BACH2: variants seen among roughly 807,000 people sequenced by gnomAD.
The protein encoded by BACH2 is transcription regulator protein BACH2.
BACH2 carries 5 observed loss-of-function variants against 61.8 expected under a neutral mutation model. The observed-to-expected ratio is 0.08, with a 90% confidence interval of 0.04 to 0.17. The LOEUF is 0.17. Among genes scored for constraint, BACH2 ranks in the 10% least tolerant of loss-of-function variants. The pLI is 1.00. For synonymous variants in BACH2, 446 were observed against 440.1 expected, an observed-to-expected ratio of 1.01 and a Z score of -0.17; for missense variants, 824 against 1,091.1, an observed-to-expected ratio of 0.76 and a Z score of 3.45.
chr6:90,255,823 G>A (rs1265692427), intron 2 of BACH2, among the ~76,000 whole-genome samples: 3 of 152,102 alleles, frequency 2.0e-5, no homozygotes, highest in Admixed American at 6.6e-5. Flanking sequence ...TACTATCTCC[G>A]ACTGAAGGGT....
chr6:90,122,789 A>G (rs560261209), intron 4 of BACH2, among the ~76,000 whole-genome samples: 50 of 152,358 alleles, frequency 3.3e-4, no homozygotes, highest in African/African-American at 1.2e-3. Flanking sequence ...CCACCAGGAC[A>G]GAAGCCTGAG....
At chr6:90,237,948 G>A (rs902345515) in intron 3 of BACH2, among the ~76,000 whole-genome samples, 3 of 152,056 alleles carry the variant, frequency 2.0e-5, no homozygotes, top group East Asian at 1.9e-4. Context: ...AAAGGACATG[G>A]GTCATTCTAG....
chr6:89,985,640 C>A (rs1210662089), intron 6 of BACH2, among the ~76,000 whole-genome samples: 1 of 152,178 alleles, frequency 6.6e-6, no homozygotes, highest in South Asian at 2.1e-4. Context: ...TTGTCAGAGG[C>A]TGTTTCCCTG....
chr6:89,965,686 C>A (rs537580562), intron 6 of BACH2, among the ~76,000 whole-genome samples: 1 of 152,314 alleles, frequency 6.6e-6, no homozygotes, highest in South Asian at 2.1e-4. Context: ...TCTGTCATAC[C>A]TGGTTAGGGA....
At chr6:90,208,435 A>G (rs1006013847) in intron 3 of BACH2, among the ~76,000 whole-genome samples, 1 of 152,236 alleles carries the variant, frequency 6.6e-6, no homozygotes, top group African/African-American at 2.4e-5. Context: ...TAATGCAGCC[A>G]ACAAACTTAT....
At chr6:90,187,359 T>C (rs974648210) in intron 4 of BACH2, among the ~76,000 whole-genome samples, 1 of 152,272 alleles carries the variant, frequency 6.6e-6, no homozygotes, top group Non-Finnish European at 1.5e-5. Context: ...TCTCATTTAC[T>C]ATGGTACACG....
rs148186319 is a variant in BACH2, at chr6:90,232,532, C to T, written c.-275+19981G>A. Among the ~76,000 whole-genome samples, 197 of 152,286 alleles carry T rather than the reference C, an allele frequency of 1.3e-3. 1 individual carries two copies. Among genetic ancestry groups the T allele is most frequent in the African/African-American group, 4.6e-3 (190 of 41,562 alleles). ...GAGAAATGAAGACCAAGATAATACA[C>T]AAACCAGATTATCAATCTTGAAATA... is the stretch of plus-strand genomic sequence containing the variant. On this transcript the variant is annotated intron_variant, in intron 3 of 8. Coordinates refer to ENST00000257749, the MANE Select transcript of BACH2 (RefSeq NM_021813.4).
In BACH2 at chr6:90,296,814, T is replaced by G. The variant is rs1215299353; in HGVS notation, c.-780A>C. 1.1e-5 allele frequency: 2 copies of G among 175,322 alleles called. No individual in the cohort carries two copies. The highest frequency in any genetic ancestry group is 4.8e-5 in the African/African-American group (2 of 41,548). The allele number at this position is 175,322 out of a possible 1,614,324, so 10.9% of individuals were successfully genotyped here. ...CTGCCGCTGCTGCTGCTGCTGCTGC[T>G]GCTGAGGCGGCGGCGGCTCGGCGCT... On this transcript the variant is annotated 5_prime_UTR_variant, in exon 1 of 9. Transcript: ENST00000257749.
At chr6:89,981,376 C>T (rs560382341) in intron 6 of BACH2, among the ~76,000 whole-genome samples, 4 of 152,100 alleles carry the variant, frequency 2.6e-5, no homozygotes, top group South Asian at 2.1e-4. Flanking sequence ...CTCCTGACCT[C>T]GTGATTTGCC....
chr6:90,240,335 T>C (rs1299682860), intron 3 of BACH2, among the ~76,000 whole-genome samples: 2 of 152,192 alleles, frequency 1.3e-5, no homozygotes, highest in Admixed American at 1.3e-4. Context: ...CTAACATCAG[T>C]GAAGAATGCT....
At chr6:90,044,493 G>C (rs568658750) in intron 5 of BACH2, among the ~76,000 whole-genome samples, 2 of 152,308 alleles carry the variant, frequency 1.3e-5, no homozygotes, top group South Asian at 4.1e-4. Flanking sequence ...TACTCTAAGT[G>C]TTATGAGAAG....
chr6:89,938,272 G>A lies in BACH2; in HGVS notation c.1915C>T (p.Leu639=). 6.2e-7 allele frequency: 1 copy of A among 1,614,244 alleles called. No homozygotes were observed. Among genetic ancestry groups the A allele is most frequent in the South Asian group, 1.1e-5 (1 of 91,086 alleles). The change falls in exon 8 of 9, where the codon CTA becomes TTA. Residue 639 remains leucine (L), a synonymous_variant. Transcript: ENST00000257749. ...ATAAACTCTAACTGTTCTGAGGTTA[G>A]CTTGTGCATTTTAATCATCATCTGG... The part of the protein sequence containing the change: ...DFQMMIKMHK[L]TSEQLEFIHD...
Position 90,275,714 on chromosome 6 carries a change from G to A in BACH2, c.-445-3773C>T, listed in dbSNP as rs554777175. Among the ~76,000 whole-genome samples the A allele has an allele frequency of 3.3e-5, 5 of 151,968 alleles. No homozygotes were observed. In the East Asian group the frequency reaches 5.8e-4, roughly 18 times the overall value. ...GTTCTGGATGGGCGTAGCGGCTCAC[G>A]CCTGTAATCCCAGCACTTTGGGAGG... On this transcript the variant is annotated intron_variant, in intron 1 of 8. Coordinates refer to ENST00000257749, the MANE Select transcript of BACH2 (RefSeq NM_021813.4).
intron 4 of BACH2, among the ~76,000 whole-genome samples, chr6:90,115,617 T>G (rs1368680688): frequency 6.6e-6 from 1 of 151,982 alleles, no homozygotes; most frequent in Non-Finnish European, 1.5e-5. Context: ...CGGGCAAAGA[T>G]TTCATGAAAA....
At chr6:90,222,920 A>C (rs1769783032) in intron 3 of BACH2, among the ~76,000 whole-genome samples, 1 of 150,752 alleles carries the variant, frequency 6.6e-6, no homozygotes, top group African/African-American at 2.4e-5. Flanking sequence ...TCCTGCCGAA[A>C]CTACTCAACC....
At chr6:90,119,453 T>C (rs957448760) in intron 4 of BACH2, among the ~76,000 whole-genome samples, 1 of 152,214 alleles carries the variant, frequency 6.6e-6, no homozygotes, top group Non-Finnish European at 1.5e-5. Flanking sequence ...CTGTACATTA[T>C]AGAGAAATGC....
chr6:90,288,200 C>T (rs1372047297), intron 1 of BACH2, among the ~76,000 whole-genome samples: 1 of 151,886 alleles, frequency 6.6e-6, no homozygotes, highest in South Asian at 2.1e-4. Flanking sequence ...AATATGGAAT[C>T]TTGAACCCAC....
At chr6:90,087,737 T>TA (rs397956044) in intron 5 of BACH2, among the ~76,000 whole-genome samples, 2 of 151,864 alleles carry the variant, frequency 1.3e-5, no homozygotes, top group East Asian at 3.9e-4. Context: ...GTTTTTTTTT[T>TA]ATTTTTAACT....
At chr6:90,041,829 A>G (rs966214590) in intron 5 of BACH2, among the ~76,000 whole-genome samples, 4 of 152,292 alleles carry the variant, frequency 2.6e-5, no homozygotes, top group African/African-American at 9.6e-5. Flanking sequence ...TTTTGCATTT[A>G]TTAATTCTTC....
Sources: allele counts gnomAD v4.1 joint callset (sites outside exome capture counted in the v4.1 genomes callset), GRCh38; gene constraint gnomAD v4.1.1; transcripts MANE v1.5; gene names NCBI Gene and HGNC (gene_info 2026-07-23, HGNC 2026-07-21).